The following PSMA3 variants were observed in gnomAD, a reference collection of about 807,000 sequenced individuals.
The protein encoded by PSMA3 is proteasome subunit alpha type-3.
A neutral mutation model predicts 40.0 loss-of-function variants in PSMA3; 8 were observed. The observed-to-expected ratio is 0.20, with a 90% CI of 0.12 to 0.36. The LOEUF (loss-of-function observed/expected upper bound fraction) is 0.36. Among genes scored for constraint, PSMA3 ranks in the 10% least tolerant of loss-of-function variants. PSMA3 has a pLI of 1.00. For missense variants in PSMA3, 219 were observed against 310.6 expected, an observed-to-expected ratio of 0.70 and a Z score of 2.22; for synonymous variants, 110 against 100.0, an observed-to-expected ratio of 1.10 and a Z score of -0.59.
rs1323405986 is a variant in PSMA3, at chr14:58,261,013, T to C, written c.470T>C (p.Val157Ala). Residue 157 changes from valine to alanine, a missense_variant, in exon 6 of 11, where the codon GTT becomes GCT. Val to Ala is a moderately conservative substitution (Grantham distance 64). Coordinates refer to ENST00000216455, the MANE Select transcript of PSMA3 (RefSeq NM_002788.4). ...CTCTACATGATTGACCCATCAGGTG[T>C]TTCATACGTGAGTAATTTTGAATCA... ...AQLYMIDPSG[V>A]SYGYWGCAIG... 1.3e-5 allele frequency: 21 copies of C among 1,602,254 alleles called. No individual in the cohort carries two copies. Among genetic ancestry groups the C allele is most frequent in the Non-Finnish European group, 1.6e-5 (19 of 1,170,040 alleles).
chr14:58,245,708 T>C (rs1889865786), intron 1 of PSMA3, among the ~76,000 whole-genome samples: 1 of 152,232 alleles, frequency 6.6e-6, no homozygotes, highest in African/African-American at 2.4e-5. Context: ...TATGTACTTC[T>C]CTATATAGAA....
chr14:58,260,693 C>T (rs894253496), intron 5 of PSMA3, among the ~76,000 whole-genome samples: 10 of 152,274 alleles, frequency 6.6e-5, no homozygotes, highest in Middle Eastern at 3.4e-3. Context: ...TTACTCCTTT[C>T]CCTGTACTGC....
chr14:58,246,083 AATG>A (rs1462393853), intron 1 of PSMA3, among the ~76,000 whole-genome samples: 1 of 152,234 alleles, frequency 6.6e-6, no homozygotes, highest in African/African-American at 2.4e-5. Context: ...TGGTAGGGTT[AATG>A]ATCTGGGTTT....
chr14:58,257,253 T>C (rs1372791654), intron 3 of PSMA3, among the ~76,000 whole-genome samples: 1 of 151,984 alleles, frequency 6.6e-6, no homozygotes, highest in Non-Finnish European at 1.5e-5. Context: ...ATCCCAGCAC[T>C]TTAGGAGGCT....
chr14:58,253,323 C>T (rs1231759177), intron 3 of PSMA3, among the ~76,000 whole-genome samples: 1 of 152,098 alleles, frequency 6.6e-6, no homozygotes. Context: ...AACAGATGCA[C>T]AGCAAGTAAA....
At chr14:58,260,878 T>C in intron 5 of PSMA3, 70 bp from the exon 6 acceptor site, 2 of 1,155,192 alleles carry the variant, frequency 1.7e-6, no homozygotes, top group African/African-American at 1.5e-5. Flanking sequence ...AACTGCATTT[T>C]AAAATAATTT....
At chr14:58,261,547 A>G (rs1392996342) in intron 6 of PSMA3, among the ~76,000 whole-genome samples, 1 of 152,096 alleles carries the variant, frequency 6.6e-6, no homozygotes, top group Non-Finnish European at 1.5e-5. Flanking sequence ...TTATTTATAG[A>G]AACTGTATAG....
intron 6 of PSMA3, among the ~76,000 whole-genome samples, chr14:58,262,807 C>T (rs1234174502): frequency 2.0e-5 from 3 of 152,070 alleles, no homozygotes; most frequent in African/African-American, 4.8e-5. Flanking sequence ...AAGTGATCCA[C>T]GTGCCTCAGA....
At chr14:58,252,779 A>G (rs929302998) in intron 3 of PSMA3, among the ~76,000 whole-genome samples, 3 of 151,292 alleles carry the variant, frequency 2.0e-5, no homozygotes, top group Non-Finnish European at 4.4e-5. Flanking sequence ...AAGTTACCCT[A>G]CATAGATGGC....
chr14:58,271,838 TTTCTC>T lies in PSMA3; in HGVS notation c.724-10_724-6del, dbSNP rs779949948. ...TTAAAAATCAATTTTAAACACCTGT[TTTCTC>T]TTAACAGGAATCTCTGAAGGAAGAA... is the stretch of plus-strand genomic sequence containing the variant. On this transcript the variant is annotated splice_region_variant and splice_polypyrimidine_tract_variant and intron_variant, in intron 10 of 10. Coordinates refer to ENST00000216455, the MANE Select transcript of PSMA3 (RefSeq NM_002788.4). The T allele has an allele frequency of 6.3e-6, 10 of 1,592,220 alleles. No homozygotes were observed. Among genetic ancestry groups the T allele is most frequent in the South Asian group, 4.4e-5 (4 of 90,236 alleles).
At chr14:58,262,627 A>G (rs1337048860) in intron 6 of PSMA3, among the ~76,000 whole-genome samples, 3 of 150,366 alleles carry the variant, frequency 2.0e-5, no homozygotes, top group Non-Finnish European at 3.0e-5. Flanking sequence ...CAGTGGTGCA[A>G]TCTTGGCTCA....
At chr14:58,262,164 G>A (rs1757009250) in intron 6 of PSMA3, among the ~76,000 whole-genome samples, 3 of 151,910 alleles carry the variant, frequency 2.0e-5, no homozygotes, top group African/African-American at 7.3e-5. Context: ...CCTGACCTCA[G>A]GTGGTCTGCC....
At chr14:58,266,130 A>G (rs1890436023) in intron 7 of PSMA3, 1 of 152,124 alleles carries the variant, frequency 6.6e-6, no homozygotes, top group Non-Finnish European at 1.5e-5. Flanking sequence ...ATTTGAGTCC[A>G]TGCCAGTTGC....
intron 5 of PSMA3, among the ~76,000 whole-genome samples, chr14:58,260,102 T>C (rs974369672): frequency 2.6e-5 from 4 of 152,214 alleles, no homozygotes; most frequent in Admixed American, 2.6e-4. Flanking sequence ...TCTTTTCTAC[T>C]CTAAGGCAAA....
rs138482306 is a variant in PSMA3, at chr14:58,253,980, G to A, written c.228+1738G>A. Reference sequence around the variant, plus strand: ...TTACTGTTTTTTTGTTGTTGTTGTTGTACAGATTTTTCTCGTCACCCAGGT... The same window carrying A: ...TTACTGTTTTTTTGTTGTTGTTGTTATACAGATTTTTCTCGTCACCCAGGT... On this transcript the variant is annotated intron_variant, in intron 3 of 10. Transcript: ENST00000216455. Among the ~76,000 whole-genome samples the A allele has an allele frequency of 6.6e-5, 10 of 151,890 alleles. No homozygotes were observed. The East Asian group carries it at 1.9e-3, about 30-fold the overall frequency.
chr14:58,270,518 G>A, intron 9 of PSMA3, 33 bp downstream of exon 9: 2 of 1,613,012 alleles, frequency 1.2e-6, no homozygotes, highest in East Asian at 4.5e-5. Context: ...TTTGCCTTAG[G>A]AATGATCTGT....
chr14:58,262,315 C>T (rs1035237277), intron 6 of PSMA3, among the ~76,000 whole-genome samples: 2 of 152,130 alleles, frequency 1.3e-5, no homozygotes, highest in African/African-American at 2.4e-5. Context: ...TCAAGCAATT[C>T]TGCCTCAGCC....
At chr14:58,251,842 G>C (rs188630179) in intron 2 of PSMA3, among the ~76,000 whole-genome samples, 4 of 152,182 alleles carry the variant, frequency 2.6e-5, no homozygotes, top group Admixed American at 2.6e-4. Context: ...GCCAGACACT[G>C]AGCCATATTG....
At chr14:58,249,852 C>T (rs1046946407) in intron 2 of PSMA3, among the ~76,000 whole-genome samples, 2 of 152,140 alleles carry the variant, frequency 1.3e-5, no homozygotes, top group African/African-American at 4.8e-5. Context: ...CGAAGACTGC[C>T]TGAAAGGATT....
Sources: gnomAD v4.1 joint callset for allele counts (sites outside exome capture counted in the v4.1 genomes callset) on GRCh38, gnomAD v4.1.1 for gene constraint, MANE v1.5 for transcripts, NCBI Gene and HGNC (gene_info 2026-07-23, HGNC 2026-07-21) for gene names.